Variants in CEP170 observed in about 807,000 individuals in gnomAD.
CEP170 encodes centrosomal protein of 170 kDa.
A neutral mutation model predicts 151.9 loss-of-function variants in CEP170; 21 were observed. The ratio of observed to expected loss-of-function variants is 0.14; its 90% confidence interval spans 0.10 to 0.20. The LOEUF is 0.20. Ranked by LOEUF, CEP170 falls within the 10% of genes least tolerant of loss-of-function variation. The pLI is 1.00. For synonymous variants in CEP170, 356 were observed against 648.8 expected (o/e 0.55, Z 6.86); for missense variants, 964 against 1,892.9 (o/e 0.51, Z 9.11).
intron 10 of CEP170, among the ~76,000 whole-genome samples, chr1:243,184,923 C>T (rs1194412419): frequency 6.6e-6 from 1 of 152,088 alleles, no homozygotes; most frequent in Non-Finnish European, 1.5e-5. Flanking sequence ...ATGCTGCTAA[C>T]CCGTGGAGTG....
At position 243,166,126 on chromosome 1, in the gene CEP170, A is replaced by G. The variant is rs1047655079; in HGVS notation, c.1844-10T>C. ...TCACTGATCTCTGTCTCTATGAAAT[A>G]AAAACCACAAAGAAGGAATTGATTA... is the stretch of plus-strand genomic sequence containing the variant. On this transcript the variant is annotated splice_polypyrimidine_tract_variant and intron_variant, in intron 12 of 19. Transcript: ENST00000366542. 1.2e-6 allele frequency: 2 copies of G among 1,612,056 alleles called. No homozygotes were observed. The highest frequency in any genetic ancestry group is 4.5e-5 in the East Asian group (2 of 44,858).
At chr1:243,236,518 G>A (rs191236368) in intron 1 of CEP170, among the ~76,000 whole-genome samples, 14 of 152,152 alleles carry the variant, frequency 9.2e-5, no homozygotes, top group Non-Finnish European at 2.9e-5. Context: ...TCCTCGAGAA[G>A]TTCACAGACA....
intron 3 of CEP170, among the ~76,000 whole-genome samples, chr1:243,213,121 C>CT (rs374857518): frequency 1.3e-5 from 2 of 148,800 alleles, no homozygotes; most frequent in Non-Finnish European, 3.0e-5. Context: ...TTTTTTTTTT[C>CT]TTTTTTTGGT....
At chr1:243,159,256 A>T (rs2057840073) in intron 13 of CEP170, among the ~76,000 whole-genome samples, 1 of 152,116 alleles carries the variant, frequency 6.6e-6, no homozygotes, top group Non-Finnish European at 1.5e-5. Context: ...TGGAAAACAT[A>T]TCACACATGG....
rs1382662700 is a variant in CEP170 at position 243,124,462 on chromosome 1, T to C, written c.*1987A>G. The C allele has an allele frequency of 6.6e-6, 1 of 152,490 alleles. No homozygotes were observed. The highest frequency in any genetic ancestry group is 2.4e-5 in the African/African-American group (1 of 41,400). The allele number at this position is 152,490 out of a possible 1,614,324, so 9.4% of individuals were successfully genotyped here. ...AGAAACACTTTATTTAAAAATGGAG[T>C]TGTAAATGCATAACAAAATAACATA... is the stretch of plus-strand genomic sequence containing the variant. On this transcript the variant is annotated 3_prime_UTR_variant, in exon 20 of 20. Coordinates refer to ENST00000366542, the MANE Select transcript of CEP170 (RefSeq NM_014812.3).
At chr1:243,138,436 GA>G (rs2055404841) in intron 16 of CEP170, among the ~76,000 whole-genome samples, 2 of 151,706 alleles carry the variant, frequency 1.3e-5, no homozygotes, top group Non-Finnish European at 2.9e-5. Context: ...AGTACCATGA[GA>G]AACATACATA....
intron 13 of CEP170, among the ~76,000 whole-genome samples, chr1:243,161,881 G>A (rs1381740567): frequency 6.6e-6 from 1 of 152,146 alleles, no homozygotes; most frequent in Non-Finnish European, 1.5e-5. Flanking sequence ...AAAAAGAAAT[G>A]TTATAATATC....
At chr1:243,212,997 G>T (rs1488153374) in intron 3 of CEP170, among the ~76,000 whole-genome samples, 1 of 152,092 alleles carries the variant, frequency 6.6e-6, no homozygotes, top group Non-Finnish European at 1.5e-5. Context: ...CATAAAAAAG[G>T]AAACAAGATA....
chr1:243,128,428 T>C, intron 18 of CEP170, 128 bp from the exon 19 acceptor site: 2 of 597,904 alleles, frequency 3.3e-6, no homozygotes, highest in Non-Finnish European at 5.5e-6. Flanking sequence ...ACTACATTAA[T>C]AGCAACATGA....
chr1:243,133,059 C>A, intron 17 of CEP170, among the ~76,000 whole-genome samples: 1 of 135,030 alleles, frequency 7.4e-6, no homozygotes, highest in Middle Eastern at 3.7e-3. Flanking sequence ...CAAAACAGAT[C>A]CATCCTCATC....
intron 11 of CEP170, among the ~76,000 whole-genome samples, chr1:243,170,203 T>C (rs1409315216): frequency 7.0e-6 from 1 of 143,772 alleles, no homozygotes; most frequent in Non-Finnish European, 1.5e-5. Context: ...CTGGCCAACA[T>C]GGTGAAACCC....
rs373135678 is a variant in CEP170, at chr1:243,165,783, G to A, written c.2177C>T (p.Ala726Val). Residue 726 changes from alanine to valine, a missense_variant, in exon 13 of 20, where the codon GCT (alanine) becomes GTT (valine). Ala to Val is a moderately conservative substitution (Grantham distance 64). Coordinates refer to ENST00000366542, the MANE Select transcript of CEP170 (RefSeq NM_014812.3). ...AGTTTCACTTTTCTCTTTTCCAGGAGCAGAGCTGCCTAAGTGAAGTAGGGT... is the reference window on the plus strand; with the variant it reads ...AGTTTCACTTTTCTCTTTTCCAGGAACAGAGCTGCCTAAGTGAAGTAGGGT... Reference protein sequence around the residue: ...NKTLLHLGSSAPGKEKSETDK... With the variant: ...NKTLLHLGSSVPGKEKSETDK... 166 of 1,614,036 alleles carry A rather than the reference G, an allele frequency of 1.0e-4. No homozygotes were observed. Among genetic ancestry groups the A allele is most frequent in the Middle Eastern group, 8.3e-4 (5 of 6,060 alleles).
intron 1 of CEP170, among the ~76,000 whole-genome samples, chr1:243,229,217 G>C (rs1273241854): frequency 6.6e-6 from 1 of 152,210 alleles, no homozygotes; most frequent in African/African-American, 2.4e-5. Flanking sequence ...AGGAGCCTGT[G>C]GGTTTGCAAC....
At chr1:243,240,591 G>A (rs960921824) in intron 1 of CEP170, among the ~76,000 whole-genome samples, 1 of 151,162 alleles carries the variant, frequency 6.6e-6, no homozygotes, top group Non-Finnish European at 1.5e-5. Flanking sequence ...CATACCTGAA[G>A]ACTTGAACTT....
chr1:243,170,301 C>G (rs893810235), intron 11 of CEP170, among the ~76,000 whole-genome samples: 1 of 151,948 alleles, frequency 6.6e-6, no homozygotes, highest in Non-Finnish European at 1.5e-5. Flanking sequence ...AGGAGAATTG[C>G]TTGAACCCAG....
chr1:243,250,469 T>C (rs1183018839), intron 1 of CEP170, among the ~76,000 whole-genome samples: 1 of 152,238 alleles, frequency 6.6e-6, no homozygotes, highest in Non-Finnish European at 1.5e-5. Flanking sequence ...TCTAGCTAAG[T>C]GTAAAAATGT....
At chr1:243,156,544 A>C (rs1340268698) in intron 13 of CEP170, 89 bp from the exon 14 acceptor site, 1 of 1,269,866 alleles carries the variant, frequency 7.9e-7, no homozygotes, top group Non-Finnish European at 1.1e-6. Context: ...ACACCATGAG[A>C]GCGCACACAC....
intron 11 of CEP170, among the ~76,000 whole-genome samples, chr1:243,170,948 T>C (rs1170033732): frequency 6.6e-6 from 1 of 152,236 alleles, no homozygotes; most frequent in African/African-American, 2.4e-5. Flanking sequence ...ATGTGGACCA[T>C]GCTAAGAATA....
rs184600885 is a variant in CEP170, at chr1:243,197,674, A to C, written c.631+1386T>G. Among the ~76,000 whole-genome samples the C allele has an allele frequency of 1.6e-3, 246 of 152,184 alleles. 5 individuals carry two copies. Among genetic ancestry groups the C allele is most frequent in the Admixed American group, 0.015 (227 of 15,276 alleles). On this transcript the variant is annotated intron_variant, in intron 7 of 19. Transcript: ENST00000366542. ...ACTCCTCAGTCTGCAACCACTATGA[A>C]GAGCAAGACTGAGAGACGGAGAGAA...
Sources: gnomAD v4.1 joint callset for allele counts (sites outside exome capture counted in the v4.1 genomes callset) on GRCh38, gnomAD v4.1.1 for gene constraint, MANE v1.5 for transcripts, NCBI Gene and HGNC (gene_info 2026-07-23, HGNC 2026-07-21) for gene names.